Variants in FBXL7 observed in about 807,000 individuals in gnomAD.
FBXL7 encodes the protein F-box and leucine rich repeat protein 7.
A neutral mutation model predicts 38.3 loss-of-function variants in FBXL7; 12 were observed. The ratio of observed to expected loss-of-function variants is 0.31; its 90% CI spans 0.20 to 0.51. The LOEUF (loss-of-function observed/expected upper bound fraction) is 0.51, where lower values mean the gene tolerates loss of function less well. Among genes scored for constraint, FBXL7 ranks in the 20% least tolerant of loss-of-function variants. FBXL7 has a pLI of 0.98. For synonymous variants in FBXL7, 297 were observed against 300.9 expected, an observed-to-expected ratio of 0.99 and a Z score of 0.13; for missense variants, 567 against 676.4, an observed-to-expected ratio of 0.84 and a Z score of 1.79.
intron 1 of FBXL7, among the ~76,000 whole-genome samples, chr5:15,595,481 T>C (rs1271931286): frequency 1.3e-5 from 2 of 152,196 alleles, no homozygotes; most frequent in Non-Finnish European, 2.9e-5. Context: ...TGATAATTAA[T>C]TCAGAATAAA....
At chr5:15,582,369 C>T (rs546242381) in intron 1 of FBXL7, among the ~76,000 whole-genome samples, 139 of 152,216 alleles carry the variant, frequency 9.1e-4, no homozygotes, top group Non-Finnish European at 6.6e-4. Context: ...TCATAGGAAG[C>T]GATGGATCAA....
chr5:15,651,163 C>G (rs893418043), intron 2 of FBXL7, among the ~76,000 whole-genome samples: 1 of 144,758 alleles, frequency 6.9e-6, no homozygotes, highest in Non-Finnish European at 1.5e-5. Flanking sequence ...GTGGTGCAAT[C>G]TCGGCTCACT....
At chr5:15,521,486 A>AAAAG (rs1386209967) in intron 1 of FBXL7, among the ~76,000 whole-genome samples, 1 of 152,202 alleles carries the variant, frequency 6.6e-6, no homozygotes. Flanking sequence ...TAACTTACTT[A>AAAAG]TGTCAGAGTT....
At chr5:15,895,613 G>GC (rs1330767672) in intron 2 of FBXL7, among the ~76,000 whole-genome samples, 1 of 138,278 alleles carries the variant, frequency 7.2e-6, no homozygotes, top group Non-Finnish European at 1.6e-5. Context: ...CATTTTTGAT[G>GC]CTTAGGGCCC....
intron 2 of FBXL7, among the ~76,000 whole-genome samples, chr5:15,760,236 C>G (rs922401847): frequency 6.6e-6 from 1 of 152,032 alleles, no homozygotes; most frequent in Non-Finnish European, 1.5e-5. Context: ...ACCTACAAAG[C>G]ATGCACAAAC....
intron 2 of FBXL7, among the ~76,000 whole-genome samples, chr5:15,686,949 G>A (rs949347306): frequency 6.6e-6 from 1 of 152,172 alleles, no homozygotes; most frequent in Non-Finnish European, 1.5e-5. Flanking sequence ...CTCTATCTGG[G>A]CCAGAGAAAT....
At chr5:15,696,390 G>T (rs17523908) in intron 2 of FBXL7, among the ~76,000 whole-genome samples, 13,648 of 152,218 alleles carry the variant, frequency 0.09, 744 homozygotes, top group South Asian at 0.16. Context: ...AATTGGAAGG[G>T]TTTCTAGACA....
chr5:15,722,921 C>CAAAAAAAAAAAA (rs752341974), intron 2 of FBXL7, among the ~76,000 whole-genome samples: 2 of 60,592 alleles, frequency 3.3e-5, no homozygotes, highest in African/African-American at 1.0e-4. Context: ...GACTCCGTCT[C>CAAAAAAAAAAAA]AAAAAAAACA....
intron 2 of FBXL7, among the ~76,000 whole-genome samples, chr5:15,762,443 T>C (rs370702224): frequency 7.7e-4 from 118 of 152,300 alleles, no homozygotes; most frequent in African/African-American, 2.7e-3. Context: ...GAAATCCACA[T>C]AGCACAGCCA....
chr5:15,648,243 G>A (rs1036190134), intron 2 of FBXL7, among the ~76,000 whole-genome samples: 3 of 152,240 alleles, frequency 2.0e-5, no homozygotes, highest in Non-Finnish European at 2.9e-5. Context: ...TATTAGTTTC[G>A]TGGATCTTAT....
At chr5:15,722,125 G>T (rs1222099244) in intron 2 of FBXL7, among the ~76,000 whole-genome samples, 1 of 152,160 alleles carries the variant, frequency 6.6e-6, no homozygotes, top group East Asian at 1.9e-4. Flanking sequence ...GAGCCATCAC[G>T]CCCGGCCAAG....
chr5:15,581,168 A>T (rs2126467335), intron 1 of FBXL7, among the ~76,000 whole-genome samples: 1 of 152,302 alleles, frequency 6.6e-6, no homozygotes, highest in South Asian at 2.1e-4. Flanking sequence ...ACTGAGTACC[A>T]CATTAGGCAT....
chr5:15,934,812 C>A (rs764486392), intron 3 of FBXL7, among the ~76,000 whole-genome samples: 1 of 152,180 alleles, frequency 6.6e-6, no homozygotes, highest in Non-Finnish European at 1.5e-5. Flanking sequence ...TCAACAGATA[C>A]TTAGCACCAG....
chr5:15,852,792 C>T (rs1389649058), intron 2 of FBXL7, among the ~76,000 whole-genome samples: 1 of 152,144 alleles, frequency 6.6e-6, no homozygotes, highest in Non-Finnish European at 1.5e-5. Context: ...GATTTTCTCA[C>T]CTTGAGTTTA....
intron 2 of FBXL7, among the ~76,000 whole-genome samples, chr5:15,914,341 G>T (rs1375474041): frequency 1.4e-5 from 2 of 147,532 alleles, no homozygotes; most frequent in Admixed American, 6.9e-5. Flanking sequence ...AGCCGAGATC[G>T]CGCCACTGCA....
intron 2 of FBXL7, among the ~76,000 whole-genome samples, chr5:15,616,377 T>TA (rs1240056854): frequency 1.1e-4 from 16 of 152,334 alleles, no homozygotes; most frequent in African/African-American, 3.4e-4. Flanking sequence ...TCTTTCCGTA[T>TA]AAAAAATGAT....
chr5:15,746,323 G>A (rs1316708640), intron 2 of FBXL7, among the ~76,000 whole-genome samples: 2 of 152,170 alleles, frequency 1.3e-5, no homozygotes, highest in East Asian at 3.8e-4. Context: ...AACACAAAGG[G>A]GATGTTGAAG....
Position 15,841,338 on chromosome 5 carries a change from T to A in FBXL7, c.128-86552T>A, listed in dbSNP as rs1445262269. Among the ~76,000 whole-genome samples, 10 of 152,300 alleles carry A rather than the reference T, an allele frequency of 6.6e-5. No individual in the cohort carries two copies. In the East Asian group the frequency reaches 1.9e-3, roughly 29 times the overall value. ...GTTAGCAGTTGGGAATAAATCTCAG[T>A]TTTAAAATGTCCCTCCATTTATAGT... On this transcript the variant is annotated intron_variant, in intron 2 of 3. Coordinates refer to ENST00000504595, the MANE Select transcript of FBXL7 (RefSeq NM_012304.5).
chr5:15,917,599 C>T (rs1033395940), intron 2 of FBXL7, among the ~76,000 whole-genome samples: 9 of 143,864 alleles, frequency 6.3e-5, no homozygotes, highest in African/African-American at 7.8e-5. Flanking sequence ...CAGAGTAAGA[C>T]CCTGTCTCAA....
Sources: gnomAD v4.1 joint callset for allele counts (sites outside exome capture counted in the v4.1 genomes callset) on GRCh38, gnomAD v4.1.1 for gene constraint, MANE v1.5 for transcripts, NCBI Gene and HGNC (gene_info 2026-07-23, HGNC 2026-07-21) for gene names.